IFNG-AS1: variants seen among roughly 807,000 people sequenced by gnomAD.
IFNG-AS1 encodes the protein IFNG regulatory antisense RNA 1.
chr12:67,992,756 T>C (rs1475468358), intron 1 of IFNG-AS1, among the ~76,000 whole-genome samples: 1 of 152,234 alleles, frequency 6.6e-6, no homozygotes, highest in Non-Finnish European at 1.5e-5. Flanking sequence ...AATTAGACAC[T>C]GTTTTTCTTT....
At chr12:68,004,785 G>A (rs1432092244) in intron 2 of IFNG-AS1, among the ~76,000 whole-genome samples, 3 of 151,982 alleles carry the variant, frequency 2.0e-5, no homozygotes, top group African/African-American at 4.8e-5. Flanking sequence ...CTTCCAATAC[G>A]GTCTTTTTTC....
intron 4 of IFNG-AS1, chr12:68,020,758 G>A (rs1226302866): frequency 6.6e-6 from 1 of 152,104 alleles, no homozygotes; most frequent in East Asian, 1.9e-4. Flanking sequence ...AGTTGATAGT[G>A]TTGTGGAAAA....
intron 3 of IFNG-AS1, among the ~76,000 whole-genome samples, chr12:68,018,114 G>A (rs1314745091): frequency 6.6e-6 from 1 of 152,072 alleles, no homozygotes; most frequent in South Asian, 2.1e-4. Flanking sequence ...ATCCAAGCCA[G>A]TCATCTGGAC....
chr12:67,992,212 T>G (rs1879533765), intron 1 of IFNG-AS1, among the ~76,000 whole-genome samples: 1 of 152,250 alleles, frequency 6.6e-6, no homozygotes, highest in African/African-American at 2.4e-5. Context: ...GTATCATACT[T>G]TGCATTTCTT....
At chr12:68,011,215 A>G (rs564996435) in intron 3 of IFNG-AS1, among the ~76,000 whole-genome samples, 6 of 152,352 alleles carry the variant, frequency 3.9e-5, no homozygotes, top group African/African-American at 1.4e-4. Flanking sequence ...TCTGTTTAGC[A>G]GCACTTGTTT....
In IFNG-AS1 at chr12:68,008,355, G is replaced by T. The variant is rs189153049; in HGVS notation, n.241+2209G>T. 1.2e-3 allele frequency among the ~76,000 whole-genome samples: 188 copies of T among 151,788 alleles called. 2 individuals carry two copies. Among genetic ancestry groups the T allele is most frequent in the Admixed American group, 0.012 (185 of 15,264 alleles). On this transcript the variant is annotated intron_variant and non_coding_transcript_variant, in intron 3 of 5. Coordinates refer to ENST00000536914, the Ensembl canonical transcript of IFNG-AS1. ...GGCGTGAACCCAGGAGGCAGAGGTTGCAGTGAGCCAAGACCACGCCACTGC... is the reference window on the plus strand; with the variant it reads ...GGCGTGAACCCAGGAGGCAGAGGTTTCAGTGAGCCAAGACCACGCCACTGC...
At chr12:67,997,487 T>C (rs1879669382) in intron 2 of IFNG-AS1, among the ~76,000 whole-genome samples, 1 of 151,758 alleles carries the variant, frequency 6.6e-6, no homozygotes, top group Non-Finnish European at 1.5e-5. Flanking sequence ...TATACAAGCA[T>C]AAAGACCCAA....
At chr12:67,995,614 C>T (rs1215761132) in intron 1 of IFNG-AS1, among the ~76,000 whole-genome samples, 4 of 150,186 alleles carry the variant, frequency 2.7e-5, no homozygotes, top group Admixed American at 2.0e-4. Flanking sequence ...CCCAGCTATT[C>T]GGAAGGCTGA....
At chr12:67,990,612 G>C (rs566504107) in intron 1 of IFNG-AS1, among the ~76,000 whole-genome samples, 8 of 139,776 alleles carry the variant, frequency 5.7e-5, no homozygotes, top group African/African-American at 2.1e-4. Context: ...TTTTTTTTTT[G>C]AGATGGAGTC....
chr12:68,002,838 T>C (rs1224661841), intron 2 of IFNG-AS1, among the ~76,000 whole-genome samples: 1 of 152,262 alleles, frequency 6.6e-6, no homozygotes, highest in East Asian at 1.9e-4. Flanking sequence ...TCAGGACTGA[T>C]GCTGCATTTG....
intron 2 of IFNG-AS1, among the ~76,000 whole-genome samples, chr12:68,000,535 C>T (rs73324877): frequency 0.021 from 3,229 of 152,040 alleles, 128 homozygotes; most frequent in African/African-American, 0.074. Context: ...AACCAGGCAT[C>T]GTGGTGCACA....
chr12:68,010,431 G>A (rs1879999951), intron 3 of IFNG-AS1, among the ~76,000 whole-genome samples: 1 of 152,114 alleles, frequency 6.6e-6, no homozygotes, highest in Admixed American at 6.5e-5. Context: ...ATACGTCTCT[G>A]CATGCCTCAT....
At chr12:68,018,374 A>G (rs999845779) in intron 3 of IFNG-AS1, among the ~76,000 whole-genome samples, 1 of 152,180 alleles carries the variant, frequency 6.6e-6, no homozygotes, top group Non-Finnish European at 1.5e-5. Context: ...TAATACTCTC[A>G]GGGAACTCAT....
At chr12:68,005,277 A>T (rs1166304127) in intron 2 of IFNG-AS1, among the ~76,000 whole-genome samples, 2 of 152,224 alleles carry the variant, frequency 1.3e-5, no homozygotes, top group African/African-American at 2.4e-5. Context: ...ATTTCTCCAG[A>T]TGCATTTATT....
At chr12:68,019,671 G>A (rs1372330550) in intron 3 of IFNG-AS1, among the ~76,000 whole-genome samples, 1 of 152,154 alleles carries the variant, frequency 6.6e-6, no homozygotes, top group Non-Finnish European at 1.5e-5. Flanking sequence ...TGTCCTATCA[G>A]ATTTCTAAGT....
rs190536869 is a variant in IFNG-AS1, at chr12:68,011,638, T to A, written n.241+5492T>A. ...TTTACTTCCCACTTAATGAGAAAAC[T>A]CAAATGCAGACTGAACTTGGGAGTG... On this transcript the variant is annotated intron_variant and non_coding_transcript_variant, in intron 3 of 5. Transcript: ENST00000536914. 5.3e-5 allele frequency among the ~76,000 whole-genome samples: 8 copies of A among 152,286 alleles called. No homozygotes were observed. The East Asian group carries it at 1.4e-3, about 26-fold the overall frequency.
chr12:67,996,014 T>C (rs1879633677), exon 2 of IFNG-AS1: 1 of 152,188 alleles, frequency 6.6e-6, no homozygotes, highest in Admixed American at 6.5e-5. Flanking sequence ...TCATTCCTCA[T>C]GCAGGGAAGA....
chr12:68,012,262 C>T (rs117304501), intron 3 of IFNG-AS1, among the ~76,000 whole-genome samples: 3,095 of 152,174 alleles, frequency 0.02, 38 homozygotes, highest in Non-Finnish European at 0.031. Context: ...TATCTGCCAC[C>T]GGCCAGGACT....
chr12:68,011,553 T>A (rs554452518), intron 3 of IFNG-AS1, among the ~76,000 whole-genome samples: 1 of 152,338 alleles, frequency 6.6e-6, no homozygotes, highest in South Asian at 2.1e-4. Context: ...TGAGATGATG[T>A]TCCAGCAAAT....
Sources: gnomAD v4.1 joint callset for allele counts (sites outside exome capture counted in the v4.1 genomes callset) on GRCh38, gnomAD v4.1.1 for gene constraint, MANE v1.5 for transcripts, NCBI Gene and HGNC (gene_info 2026-07-23, HGNC 2026-07-21) for gene names.